The following NRG3 variants were observed in gnomAD, a reference collection of about 807,000 sequenced individuals.
NRG3 encodes pro-neuregulin-3, membrane-bound isoform.
A neutral mutation model predicts 66.9 loss-of-function variants in NRG3; 31 were observed. The observed-to-expected ratio is 0.46, with a 90% CI of 0.35 to 0.63. NRG3 has a LOEUF of 0.63. Ranked by LOEUF, NRG3 falls within the 20% of genes least tolerant of loss-of-function variation. The probability of loss-of-function intolerance (pLI) is 0.00; values close to 1 mark genes in which losing one functional copy is unlikely to be tolerated. For missense variants in NRG3, 910 were observed against 878.9 expected, an observed-to-expected ratio of 1.04 and a Z score of -0.45; for synonymous variants, 393 against 359.4, an observed-to-expected ratio of 1.09 and a Z score of -1.06.
chr10:82,936,251 AAG>A (rs1246912267), intron 4 of NRG3, among the ~76,000 whole-genome samples: 1 of 152,192 alleles, frequency 6.6e-6, no homozygotes, highest in Non-Finnish European at 1.5e-5. Flanking sequence ...TAGGTGAAGT[AAG>A]AGATGTGGTT....
chr10:82,778,800 C>T (rs534688168), intron 3 of NRG3, among the ~76,000 whole-genome samples: 2 of 152,124 alleles, frequency 1.3e-5, no homozygotes, highest in South Asian at 2.1e-4. Flanking sequence ...GCTAAATTTC[C>T]GAGGAGTGGG....
intron 2 of NRG3, among the ~76,000 whole-genome samples, chr10:82,521,320 G>T (rs1462331593): frequency 6.6e-6 from 1 of 152,082 alleles, no homozygotes; most frequent in Non-Finnish European, 1.5e-5. Flanking sequence ...CAGGGTGGTG[G>T]TTGCTGAAAG....
At chr10:82,817,464 T>G (rs745818597) in intron 3 of NRG3, among the ~76,000 whole-genome samples, 1 of 152,224 alleles carries the variant, frequency 6.6e-6, no homozygotes, top group African/African-American at 2.4e-5. Flanking sequence ...GTGGCCTGTT[T>G]CCAGGCACTT....
At chr10:82,119,971 C>G (rs2132349744) in intron 1 of NRG3, among the ~76,000 whole-genome samples, 1 of 152,170 alleles carries the variant, frequency 6.6e-6, no homozygotes, top group East Asian at 1.9e-4. Flanking sequence ...TGTGATTCCT[C>G]CCCCTAAATA....
chr10:82,945,861 G>C (rs1848971648), intron 4 of NRG3, among the ~76,000 whole-genome samples: 1 of 152,142 alleles, frequency 6.6e-6, no homozygotes, highest in African/African-American at 2.4e-5. Context: ...ACAGAGTTTG[G>C]ATGTGGGTGG....
At chr10:81,947,672 G>A (rs538218385) in intron 1 of NRG3, among the ~76,000 whole-genome samples, 1 of 151,686 alleles carries the variant, frequency 6.6e-6, no homozygotes, top group South Asian at 2.1e-4. Flanking sequence ...CAGATTAGCC[G>A]AGCCAAATGA....
At chr10:82,770,611 G>T (rs933607178) in intron 3 of NRG3, among the ~76,000 whole-genome samples, 1 of 152,100 alleles carries the variant, frequency 6.6e-6, no homozygotes, top group Non-Finnish European at 1.5e-5. Context: ...ATCAGAGGAG[G>T]AAAGAAACAA....
At chr10:82,065,448 G>C (rs1043874249) in intron 1 of NRG3, among the ~76,000 whole-genome samples, 6 of 152,092 alleles carry the variant, frequency 3.9e-5, no homozygotes, top group Non-Finnish European at 4.4e-5. Flanking sequence ...TATAGTGAAA[G>C]ATATATACAT....
chr10:82,351,095 C>T (rs1271633708), intron 1 of NRG3, among the ~76,000 whole-genome samples: 2 of 152,054 alleles, frequency 1.3e-5, no homozygotes, highest in Non-Finnish European at 2.9e-5. Context: ...GGGGTTTCAC[C>T]GTGTTAGCCA....
At chr10:81,879,195 C>T (rs1025097778) in intron 1 of NRG3, among the ~76,000 whole-genome samples, 1 of 152,220 alleles carries the variant, frequency 6.6e-6, no homozygotes, top group African/African-American at 2.4e-5. Context: ...TACTTGCTTG[C>T]ACTTCAGACT....
intron 1 of NRG3, among the ~76,000 whole-genome samples, chr10:82,287,079 A>T (rs1254218231): frequency 6.6e-6 from 1 of 152,134 alleles, no homozygotes; most frequent in African/African-American, 2.4e-5. Flanking sequence ...AGGAAGGAGG[A>T]TAATAGCTGG....
intron 4 of NRG3, among the ~76,000 whole-genome samples, chr10:82,874,121 C>G (rs908389851): frequency 6.6e-6 from 1 of 151,808 alleles, no homozygotes; most frequent in Non-Finnish European, 1.5e-5. Flanking sequence ...TTACTTCAAA[C>G]TTGATCGTAT....
At chr10:82,707,846 TAAAA>T (rs373670610) in intron 2 of NRG3, among the ~76,000 whole-genome samples, 6 of 82,652 alleles carry the variant, frequency 7.3e-5, no homozygotes, top group Admixed American at 1.5e-4. Flanking sequence ...TCATCTCTAC[TAAAA>T]AAAAAAAAAA....
intron 1 of NRG3, among the ~76,000 whole-genome samples, chr10:82,333,140 C>A (rs1179913251): frequency 6.6e-6 from 1 of 151,762 alleles, no homozygotes; most frequent in Non-Finnish European, 1.5e-5. Context: ...CAAGATCTAC[C>A]CCTGTCTTTT....
intron 2 of NRG3, among the ~76,000 whole-genome samples, chr10:82,623,563 A>T (rs1253095288): frequency 6.6e-6 from 1 of 152,154 alleles, no homozygotes; most frequent in Non-Finnish European, 1.5e-5. Flanking sequence ...TGGCTCAACA[A>T]GATAGACATG....
chr10:82,774,815 T>TTA (rs2059842610), intron 3 of NRG3, among the ~76,000 whole-genome samples: 1 of 133,932 alleles, frequency 7.5e-6, no homozygotes, highest in African/African-American at 3.1e-5. Context: ...TTCCTTTTTC[T>TTA]TTTTTCTTTT....
At chr10:82,392,928 A>G (rs1436474789) in intron 2 of NRG3, among the ~76,000 whole-genome samples, 1 of 150,462 alleles carries the variant, frequency 6.6e-6, no homozygotes, top group Non-Finnish European at 1.5e-5. Flanking sequence ...GATTTTAGTG[A>G]CAGTTATGGC....
At chr10:82,661,260 A>G (rs1340688352) in intron 2 of NRG3, among the ~76,000 whole-genome samples, 1 of 152,152 alleles carries the variant, frequency 6.6e-6, no homozygotes, top group Non-Finnish European at 1.5e-5. Context: ...TCTCTCATGG[A>G]GACTGAATTC....
chr10:82,191,939 G>A (rs1408186057), intron 1 of NRG3, among the ~76,000 whole-genome samples: 14 of 152,114 alleles, frequency 9.2e-5, no homozygotes, highest in South Asian at 2.1e-4. Context: ...TTGCCAGTTC[G>A]ATTCTAATAC....
Sources: allele counts gnomAD v4.1 joint callset (sites outside exome capture counted in the v4.1 genomes callset), GRCh38; gene constraint gnomAD v4.1.1; transcripts MANE v1.5; gene names NCBI Gene and HGNC (gene_info 2026-07-23, HGNC 2026-07-21).